The following MAPRE1 variants were observed in gnomAD, a reference collection of about 807,000 sequenced individuals.
The protein encoded by MAPRE1 is microtubule-associated protein RP/EB family member 1.
In MAPRE1, 5 loss-of-function variants were observed where a neutral mutation model predicts 32.1. That is an observed-to-expected ratio of 0.16 (90% CI 0.08 to 0.33). MAPRE1 has a LOEUF of 0.33. Among genes scored for constraint, MAPRE1 ranks in the 10% least tolerant of loss-of-function variants. MAPRE1 has a pLI of 1.00. For synonymous variants in MAPRE1, 122 were observed against 118.9 expected (o/e 1.03, Z -0.17); for missense variants, 209 against 327.2 (o/e 0.64, Z 2.79).
At chr20:32,830,810 C>T (rs966685564) in intron 2 of MAPRE1, among the ~76,000 whole-genome samples, 1 of 151,744 alleles carries the variant, frequency 6.6e-6, no homozygotes, top group Admixed American at 6.6e-5. Flanking sequence ...CTGCAAGCTC[C>T]ACCTCCCAGG....
chr20:32,844,228 A>G (rs2146139262), intron 5 of MAPRE1, among the ~76,000 whole-genome samples: 1 of 152,118 alleles, frequency 6.6e-6, no homozygotes, highest in Non-Finnish European at 1.5e-5. Context: ...GTCTTAGTAT[A>G]TATTTTTTTA....
rs1453893313 is a variant in MAPRE1 at position 32,836,899 on chromosome 20, G to A, written c.475+58G>A. Reference sequence around the variant, plus strand: ...ATAGCGTTCCAGATATTCATTCAGCGTTCAACTAGAATTTTTTTCAGTAGC... The same window carrying A: ...ATAGCGTTCCAGATATTCATTCAGCATTCAACTAGAATTTTTTTCAGTAGC... On this transcript the variant is annotated intron_variant, in intron 4 of 6. Transcript: ENST00000375571. 1.4e-5 allele frequency: 20 copies of A among 1,471,884 alleles called. No homozygotes were observed. The African/African-American group carries it at 1.6e-4, about 11-fold the overall frequency. The allele number at this position is 1,471,884 out of a possible 1,614,324, so 91.2% of individuals were successfully genotyped here. A position where few individuals can be genotyped will look rare whatever the true frequency, so the allele number is the denominator to read the frequency against.
intron 4 of MAPRE1, among the ~76,000 whole-genome samples, chr20:32,837,540 T>C (rs1331425410): frequency 6.6e-6 from 1 of 152,186 alleles, no homozygotes; most frequent in African/African-American, 2.4e-5. Flanking sequence ...ACTCTACAGA[T>C]GCTAATTTCT....
At chr20:32,846,919 A>C (rs1237343343) in intron 6 of MAPRE1, 149 bp downstream of exon 6, 1 of 793,644 alleles carries the variant, frequency 1.3e-6, no homozygotes, top group Non-Finnish European at 2.0e-6. Context: ...ATCTCTGCCC[A>C]GCTTTAGCTT....
At position 32,846,741 on chromosome 20, in the gene MAPRE1, A is replaced by G. The variant is rs1983515960; in HGVS notation, c.721A>G (p.Arg241Gly). 1 of 1,614,104 alleles carries G rather than the reference A, an allele frequency of 6.2e-7. No individual in the cohort carries two copies. The highest frequency in any genetic ancestry group is 1.3e-5 in the African/African-American group (1 of 74,944). ...GGGGGAAAACGACCCTGTATTGCAG[A>G]GGATTGTAGACATTCTGTATGCCAC... is the stretch of plus-strand genomic sequence containing the variant. ...NEGENDPVLQRIVDILYATDE... is the reference protein window; with the variant it reads ...NEGENDPVLQGIVDILYATDE... The change falls in exon 6 of 7, where the codon AGG becomes GGG. Residue 241 changes from arginine to glycine, a missense_variant. Arg to Gly is a moderately radical substitution (Grantham distance 125). Coordinates refer to ENST00000375571, the MANE Select transcript of MAPRE1 (RefSeq NM_012325.3).
At chr20:32,821,086 G>A (rs1382466952) in intron 1 of MAPRE1, among the ~76,000 whole-genome samples, 2 of 147,824 alleles carry the variant, frequency 1.4e-5, no homozygotes, top group African/African-American at 5.0e-5. Flanking sequence ...TGGCACCATC[G>A]CTCACTGCAA....
Position 32,826,789 on chromosome 20 carries a change from T to G in MAPRE1, c.121+741T>G, listed in dbSNP as rs187251308. ...GCCTCAGCCTCCCAAAGTGCTGGGATTACAGGCATGAGCCACCATGCCTGG... is the reference window on the plus strand; with the variant it reads ...GCCTCAGCCTCCCAAAGTGCTGGGAGTACAGGCATGAGCCACCATGCCTGG... On this transcript the variant is annotated intron_variant, in intron 2 of 6. Transcript: ENST00000375571. Among the ~76,000 whole-genome samples, 113 of 151,914 alleles carry G rather than the reference T, an allele frequency of 7.4e-4. 1 individual carries two copies. The Middle Eastern group carries it at 0.02, about 27-fold the overall frequency.
chr20:32,824,029 C>A (rs751105498), intron 1 of MAPRE1, among the ~76,000 whole-genome samples: 3 of 152,228 alleles, frequency 2.0e-5, no homozygotes, highest in Non-Finnish European at 4.4e-5. Flanking sequence ...TTTCTCTGAT[C>A]CTTAAGCTCA....
upstream of MAPRE1, chr20:32,819,932 A>G (rs1216184861): frequency 2.8e-5 from 4 of 141,922 alleles, no homozygotes; most frequent in South Asian, 5.0e-4. Flanking sequence ...GTGTGAGGTC[A>G]TCGCGCGGGC....
chr20:32,835,369 T>TTTTTG (rs1456867104), intron 3 of MAPRE1, among the ~76,000 whole-genome samples: 1 of 141,906 alleles, frequency 7.0e-6, no homozygotes, highest in African/African-American at 2.8e-5. Flanking sequence ...TTGGTGTTTT[T>TTTTTG]TTTTTTTTTT....
chr20:32,839,877 CA>C, intron 5 of MAPRE1, 21 bp downstream of exon 5: 1 of 1,613,566 alleles, frequency 6.2e-7, no homozygotes, highest in Non-Finnish European at 8.5e-7. Context: ...CTGTGTTTAG[CA>C]CGTGAGTCAC....
chr20:32,843,438 G>A (rs1983417335), intron 5 of MAPRE1: 1 of 152,316 alleles, frequency 6.6e-6, no homozygotes, highest in African/African-American at 2.4e-5. Context: ...TTAGTCCAAA[G>A]CAGTGCTGTC....
chr20:32,831,673 C>T (rs975769507), intron 2 of MAPRE1, among the ~76,000 whole-genome samples: 1 of 151,736 alleles, frequency 6.6e-6, no homozygotes, highest in South Asian at 2.1e-4. Context: ...GCTGGGACTA[C>T]AGGCATACGC....
At chr20:32,845,836 C>T (rs531589246) in intron 5 of MAPRE1, among the ~76,000 whole-genome samples, 3 of 152,140 alleles carry the variant, frequency 2.0e-5, no homozygotes, top group Non-Finnish European at 2.9e-5. Context: ...TCTCTGGTCC[C>T]TTCTGGCTTG....
chr20:32,842,059 C>T (rs447749), intron 5 of MAPRE1, among the ~76,000 whole-genome samples: 104,442 of 151,750 alleles, frequency 0.69, 38,044 homozygotes, highest in East Asian at 1. Context: ...CAAAAGTAGC[C>T]AACATTTTAT....
chr20:32,820,842 A>C (rs1387470943), intron 1 of MAPRE1, among the ~76,000 whole-genome samples: 2 of 152,102 alleles, frequency 1.3e-5, no homozygotes, highest in Non-Finnish European at 2.9e-5. Context: ...CCTGGGGCCC[A>C]TTGAGGGAGG....
intron 2 of MAPRE1, 27 bp from the exon 3 acceptor site, chr20:32,833,680 CTTTAATTGTA>C (rs769449050): frequency 6.3e-7 from 1 of 1,587,886 alleles, no homozygotes; most frequent in Non-Finnish European, 8.6e-7. Context: ...CACCCTGCTT[CTTTAATTGTA>C]TTTTTCTGTT....
chr20:32,846,100 T>A (rs907263331), intron 5 of MAPRE1, among the ~76,000 whole-genome samples: 1 of 152,212 alleles, frequency 6.6e-6, no homozygotes, highest in African/African-American at 2.4e-5. Flanking sequence ...AGTCCTGGCC[T>A]AAGGACTGAG....
intron 3 of MAPRE1, among the ~76,000 whole-genome samples, chr20:32,835,713 C>G (rs932575737): frequency 4.0e-5 from 6 of 151,654 alleles, no homozygotes; most frequent in African/African-American, 1.5e-4. Flanking sequence ...TCAAGTGATT[C>G]TCGTGCCTCA....
Sources: allele counts gnomAD v4.1 joint callset (sites outside exome capture counted in the v4.1 genomes callset), GRCh38; gene constraint gnomAD v4.1.1; transcripts MANE v1.5; gene names NCBI Gene and HGNC (gene_info 2026-07-23, HGNC 2026-07-21).